IMPG1: variants seen among roughly 807,000 people sequenced by gnomAD.
IMPG1 encodes interphotoreceptor matrix proteoglycan 1, also known as interphotoreceptor matrix proteoglycan of 150 kDa.
IMPG1 carries 85 observed loss-of-function variants against 92.0 expected under a neutral mutation model. That is an observed-to-expected ratio of 0.92 (90% CI 0.78 to 1.11). IMPG1 has a LOEUF of 1.11. Ranked by LOEUF, IMPG1 falls within the 50% of genes least tolerant of loss-of-function variation. IMPG1 has a pLI of 0.00. For missense variants in IMPG1, 1,022 were observed against 956.0 expected, an observed-to-expected ratio of 1.07 and a Z score of -0.91; for synonymous variants, 367 against 334.1, an observed-to-expected ratio of 1.10 and a Z score of -1.08.
chr6:76,037,574 T>C (rs952975171), intron 2 of IMPG1, among the ~76,000 whole-genome samples: 3 of 152,166 alleles, frequency 2.0e-5, no homozygotes, highest in African/African-American at 4.8e-5. Context: ...GTCTACATAA[T>C]ATACAAGAAG....
intron 4 of IMPG1, among the ~76,000 whole-genome samples, chr6:76,028,256 C>T (rs111321137): frequency 0.013 from 1,941 of 152,268 alleles, 42 homozygotes; most frequent in African/African-American, 0.044. Context: ...GTCTTGTTTT[C>T]ATCCTTTTCA....
In IMPG1 at chr6:76,034,360, A is replaced by G; in HGVS notation, c.469-17T>C. ...TTTTATTCTCTGCAAAAAGATAAAGATAAAATGTAATTTTACCAGGAGATA... is the reference window on the plus strand; with the variant it reads ...TTTTATTCTCTGCAAAAAGATAAAGGTAAAATGTAATTTTACCAGGAGATA... On this transcript the variant is annotated splice_polypyrimidine_tract_variant and intron_variant, in intron 3 of 16. Transcript: ENST00000369950. The G allele has an allele frequency of 1.2e-6, 2 of 1,609,926 alleles. No homozygotes were observed. The highest frequency in any genetic ancestry group is 1.7e-6 in the Non-Finnish European group (2 of 1,176,392).
intron 1 of IMPG1, among the ~76,000 whole-genome samples, chr6:76,058,135 CCATAGGCTGCCTTTT>C (rs1332387537): frequency 7.2e-5 from 11 of 152,034 alleles, no homozygotes; most frequent in Non-Finnish European, 1.6e-4. Context: ...TTCTCCCAAT[CCATAGGCTGCCTTTT>C]CATTTTGGGA....
At chr6:75,923,582 C>T in intron 16 of IMPG1, 52 bp downstream of exon 16, 2 of 844,650 alleles carry the variant, frequency 2.4e-6, no homozygotes, top group African/African-American at 3.3e-5. Context: ...TTTTAATTTC[C>T]TTCAAAAGTC....
intron 12 of IMPG1, among the ~76,000 whole-genome samples, chr6:76,001,157 A>T (rs1337487843): frequency 6.6e-6 from 1 of 152,264 alleles, no homozygotes. Flanking sequence ...AAATGGAAAC[A>T]GTAAGGCAAT....
At chr6:76,038,476 G>A (rs144342731) in intron 2 of IMPG1, among the ~76,000 whole-genome samples, 3 of 152,234 alleles carry the variant, frequency 2.0e-5, no homozygotes, top group African/African-American at 7.2e-5. Context: ...AGGAGGCATA[G>A]ACTCTTTCCA....
In IMPG1 at chr6:75,929,166, A is replaced by G. The variant is rs190524792; in HGVS notation, c.2243+1787T>C. 8.6e-3 allele frequency among the ~76,000 whole-genome samples: 1,255 copies of G among 146,628 alleles called. 19 individuals are homozygous for G. Among genetic ancestry groups the G allele is most frequent in the African/African-American group, 0.029 (1,159 of 40,204 alleles). ...CTGAGTCAAATTTAAAATTTTATAG[A>G]TAATGACAAATTTCTTTTGAAAAAA... On this transcript the variant is annotated intron_variant, in intron 15 of 16. Transcript: ENST00000369950.
Position 76,005,434 on chromosome 6 carries a change from T to C in IMPG1, c.988A>G (p.Ile330Val). ...CCATGATAGACTTCCTCACTTTCAA[T>C]TTTGTTGGAATCAAAAGACAGGAGG... The part of the protein sequence containing the change: ...SDLLSFDSNK[I>V]ESEEVYHGTM... Residue 330 changes from isoleucine (I) to valine (V), a missense_variant, in exon 10 of 17, where the codon ATT (isoleucine) becomes GTT (valine). Coordinates refer to ENST00000369950, the MANE Select transcript of IMPG1 (RefSeq NM_001563.4). 1 of 1,614,088 alleles carries C rather than the reference T, an allele frequency of 6.2e-7. No individual in the cohort carries two copies. Among genetic ancestry groups the C allele is most frequent in the South Asian group, 1.1e-5 (1 of 91,084 alleles).
At chr6:76,047,495 C>T (rs1001347450) in intron 1 of IMPG1, among the ~76,000 whole-genome samples, 10 of 152,158 alleles carry the variant, frequency 6.6e-5, no homozygotes, top group Non-Finnish European at 1.5e-4. Flanking sequence ...TGCCATGAAA[C>T]TTGTGTTGTA....
chr6:75,939,397 G>A (rs906793026), intron 14 of IMPG1, among the ~76,000 whole-genome samples: 2 of 151,668 alleles, frequency 1.3e-5, no homozygotes, highest in African/African-American at 4.9e-5. Flanking sequence ...TCCCCTTCCT[G>A]TGTCCATGTG....
At chr6:75,967,452 G>A (rs572709945) in intron 12 of IMPG1, among the ~76,000 whole-genome samples, 4 of 152,148 alleles carry the variant, frequency 2.6e-5, no homozygotes, top group East Asian at 1.9e-4. Flanking sequence ...AAAAGGTGCC[G>A]TCTGTGAGGC....
chr6:75,937,115 G>T (rs1781760388), intron 14 of IMPG1, among the ~76,000 whole-genome samples: 1 of 152,148 alleles, frequency 6.6e-6, no homozygotes, highest in African/African-American at 2.4e-5. Context: ...GGATGTAGGA[G>T]ATGATGGGGC....
intron 14 of IMPG1, 105 bp downstream of exon 14, chr6:75,947,209 G>T: frequency 1.2e-6 from 1 of 823,178 alleles, no homozygotes; most frequent in Non-Finnish European, 2.0e-6. Flanking sequence ...TATCATTTCA[G>T]TTTGATTTTT....
At chr6:76,055,730 A>G (rs1784109429) in intron 1 of IMPG1, among the ~76,000 whole-genome samples, 3 of 152,078 alleles carry the variant, frequency 2.0e-5, no homozygotes, top group Non-Finnish European at 4.4e-5. Context: ...TATGCTTTCT[A>G]CAGACTTTCT....
intron 12 of IMPG1, among the ~76,000 whole-genome samples, chr6:75,992,961 A>C (rs1782838936): frequency 6.6e-6 from 1 of 152,114 alleles, no homozygotes; most frequent in African/African-American, 2.4e-5. Context: ...AGTCTATGTA[A>C]AGTTAAAGTA....
rs114810055 is a variant in IMPG1, at chr6:76,004,852, T to C, written c.1135+435A>G. Among the ~76,000 whole-genome samples, 1,357 of 152,290 alleles carry C rather than the reference T, an allele frequency of 8.9e-3. 17 individuals are homozygous for C. The highest frequency in any genetic ancestry group is 0.031 in the African/African-American group (1,289 of 41,558). On this transcript the variant is annotated intron_variant, in intron 10 of 16. Transcript: ENST00000369950. ...GCCTCAGGGAACTCTCCTAATCCTT[T>C]GTGTACAGACAAACCTTTACAAATG...
At chr6:75,925,423 TTCTC>T (rs1030729600) in intron 15 of IMPG1, among the ~76,000 whole-genome samples, 6 of 152,278 alleles carry the variant, frequency 3.9e-5, no homozygotes, top group African/African-American at 1.4e-4. Flanking sequence ...ACTTTTTTCT[TTCTC>T]TCAACATCAA....
At position 75,950,756 on chromosome 6, in the gene IMPG1, C is replaced by A. The variant is rs1193133824; in HGVS notation, c.1630G>T (p.Asp544Tyr). ...GGAGTGGTATCCTCCAAGAAATGAT[C>A]TGGGACAGAAACATATTCGCTGAGC... ...PELSEYVSVPDHFLEDTTPVS... is the reference protein window; with the variant it reads ...PELSEYVSVPYHFLEDTTPVS... The change falls in exon 13 of 17, where the codon GAT becomes TAT. Residue 544 changes from aspartate to tyrosine, a missense_variant. Physicochemically the swap from Asp to Tyr is radical, Grantham distance 160. Around this residue, in one of 3 missense-constraint regions of IMPG1, gnomAD observed 332 missense variants for 346.2 expected, o/e 0.96. Transcript: ENST00000369950. 1.2e-6 allele frequency: 2 copies of A among 1,613,976 alleles called. No individual in the cohort carries two copies. The highest frequency in any genetic ancestry group is 2.2e-5 in the South Asian group (2 of 91,070).
At chr6:75,974,114 G>A (rs1782466506) in intron 12 of IMPG1, among the ~76,000 whole-genome samples, 1 of 152,126 alleles carries the variant, frequency 6.6e-6, no homozygotes, top group Admixed American at 6.6e-5. Flanking sequence ...ACTGTGAACT[G>A]CAAAGATCAA....
Sources: allele counts gnomAD v4.1 joint callset (sites outside exome capture counted in the v4.1 genomes callset), GRCh38; gene constraint gnomAD v4.1.1; regional missense constraint gnomAD v4.1.1; transcripts MANE v1.5; gene names NCBI Gene and HGNC (gene_info 2026-07-23, HGNC 2026-07-21).